The following CTCF variants were observed in gnomAD, a reference collection of about 807,000 sequenced individuals.
The protein encoded by CTCF is CCCTC-binding factor, also known as transcriptional repressor CTCF.
CTCF carries 7 observed loss-of-function variants against 72.3 expected under a neutral mutation model. That is an observed-to-expected ratio of 0.10 (90% confidence interval 0.06 to 0.18). CTCF has a LOEUF of 0.18. Ranked by LOEUF, CTCF falls within the 10% of genes least tolerant of loss-of-function variation. CTCF has a pLI of 1.00. For missense variants in CTCF, 516 were observed against 949.1 expected (o/e 0.54, Z 6.00); for synonymous variants, 374 against 315.8 (o/e 1.18, Z -1.95).
At position 67,582,674 on chromosome 16, in the gene CTCF, CAG is replaced by C. The variant is rs531122495; in HGVS notation, c.-10+11413_-10+11414del. On this transcript the variant is annotated intron_variant, in intron 2 of 11. Transcript: ENST00000264010. ...CGCCACTGCACTCCATCCTGGGCAACAGAGTGAGACTCTGTGTCAAAAAAATA... is the reference window on the plus strand; with the variant it reads ...CGCCACTGCACTCCATCCTGGGCAACAGTGAGACTCTGTGTCAAAAAAATA... Among the ~76,000 whole-genome samples, 444 of 152,246 alleles carry C rather than the reference CAG, an allele frequency of 2.9e-3. 7 individuals are homozygous for C. Among genetic ancestry groups the C allele is most frequent in the Admixed American group, 0.027 (405 of 15,268 alleles).
In CTCF at chr16:67,610,354, T is replaced by TTC. The variant is rs1555534010; in HGVS notation, c.-9-469_-9-468insCT. Among the ~76,000 whole-genome samples, 3 of 146,240 alleles carry TTC rather than the reference T, an allele frequency of 2.1e-5. No individual in the cohort carries two copies. The South Asian group carries it at 6.5e-4, about 32-fold the overall frequency. The stretch of plus-strand genomic sequence containing the variant: ...AGGTAGTGGTTTTTTCTTTTTCTTT[T>TTC]TTTTTTTTTTTTTTTTGAGATGGAG... On this transcript the variant is annotated intron_variant, in intron 2 of 11. Coordinates refer to ENST00000264010, the MANE Select transcript of CTCF (RefSeq NM_006565.4).
intron 2 of CTCF, among the ~76,000 whole-genome samples, chr16:67,589,489 TCCTTTC>T (rs925838098): frequency 2.6e-5 from 4 of 152,126 alleles, no homozygotes; most frequent in African/African-American, 9.7e-5. Context: ...CTGTAGCAAT[TCCTTTC>T]CTTAAAGCCC....
intron 11 of CTCF, among the ~76,000 whole-genome samples, chr16:67,637,335 C>T (rs182957614): frequency 6.6e-6 from 1 of 152,148 alleles, no homozygotes; most frequent in Non-Finnish European, 1.5e-5. Context: ...AGTTCCATAC[C>T]AGCCTGGTCA....
At chr16:67,607,903 C>G (rs1170715582) in intron 2 of CTCF, among the ~76,000 whole-genome samples, 3 of 150,938 alleles carry the variant, frequency 2.0e-5, no homozygotes, top group African/African-American at 7.3e-5. Context: ...CCTGTAATCC[C>G]AACTACTCCG....
intron 2 of CTCF, among the ~76,000 whole-genome samples, chr16:67,597,198 C>G (rs1202655373): frequency 6.6e-6 from 1 of 152,072 alleles, no homozygotes; most frequent in Non-Finnish European, 1.5e-5. Flanking sequence ...CCATGCCCAG[C>G]TGACTTTTTG....
rs71145978 is a variant in CTCF at position 67,629,746 on chromosome 16, CTTTTTTTTTTTTTTTTTTTTTT to C, written c.1837+238_1837+259del. On this transcript the variant is annotated intron_variant, in intron 10 of 11. Coordinates refer to ENST00000264010, the MANE Select transcript of CTCF (RefSeq NM_006565.4). The stretch of plus-strand genomic sequence containing the variant: ...TCGTGGCATTCCGCTCATTAATGCC[CTTTTTTTTTTTTTTTTTTTTTT>C]TTTTTTTTTTTTTTTTTTTTTTTTG... 0.019 allele frequency among the ~76,000 whole-genome samples: 1,189 copies of C among 63,328 alleles called. 57 individuals carry two copies. The highest frequency in any genetic ancestry group is 0.03 in the South Asian group (52 of 1,728). The allele number at this position is 63,328 out of a possible 152,430, so 41.5% of individuals were successfully genotyped here. A position where few individuals can be genotyped will look rare whatever the true frequency, so the allele number is the denominator to read the frequency against.
At chr16:67,619,934 G>A (rs987537534) in intron 5 of CTCF, among the ~76,000 whole-genome samples, 2 of 152,140 alleles carry the variant, frequency 1.3e-5, no homozygotes, top group Middle Eastern at 6.8e-3. Context: ...TTAGTATAAG[G>A]TATCCTGCAG....
intron 10 of CTCF, among the ~76,000 whole-genome samples, chr16:67,634,500 GC>G (rs1232450177): frequency 2.8e-5 from 4 of 144,910 alleles, no homozygotes; most frequent in Non-Finnish European, 6.0e-5. Context: ...GAGCCACCAT[GC>G]CCAGCCTAAA....
At position 67,577,144 on chromosome 16, in the gene CTCF, C is replaced by T. The variant is rs149785788; in HGVS notation, c.-10+5880C>T. On this transcript the variant is annotated intron_variant, in intron 2 of 11. Transcript: ENST00000264010. ...GATAAAGGTAATGAAATGGGCCGGG[C>T]GTGGTGGCTCACACCTGTAATCCCA... Among the ~76,000 whole-genome samples the T allele has an allele frequency of 4.2e-3, 641 of 151,862 alleles. 3 individuals are homozygous for T. The highest frequency in any genetic ancestry group is 0.015 in the African/African-American group (625 of 41,464).
chr16:67,631,715 G>C (rs1390630087), intron 10 of CTCF, among the ~76,000 whole-genome samples: 1 of 115,768 alleles, frequency 8.6e-6, no homozygotes, highest in Non-Finnish European at 1.6e-5. Context: ...TTTTTTAAAT[G>C]GAGTATCCGT....
chr16:67,579,611 G>A (rs1310886171), intron 2 of CTCF, among the ~76,000 whole-genome samples: 2 of 151,952 alleles, frequency 1.3e-5, no homozygotes, highest in South Asian at 2.1e-4. Context: ...CACCTGCCTC[G>A]GCCTCCCAAT....
chr16:67,617,145 T>G (rs1046209747), intron 5 of CTCF, among the ~76,000 whole-genome samples: 1 of 151,746 alleles, frequency 6.6e-6, no homozygotes, highest in Non-Finnish European at 1.5e-5. Context: ...GCGGATCACC[T>G]GAGGTCGGGA....
chr16:67,581,075 C>T (rs1349302798), intron 2 of CTCF, among the ~76,000 whole-genome samples: 1 of 151,794 alleles, frequency 6.6e-6, no homozygotes, highest in Non-Finnish European at 1.5e-5. Context: ...ACTACAGGCA[C>T]CCGCCACCGC....
chr16:67,564,704 GTTAAAAA>G (rs1297678842), intron 1 of CTCF, among the ~76,000 whole-genome samples: 3 of 152,160 alleles, frequency 2.0e-5, no homozygotes, highest in Non-Finnish European at 4.4e-5. Context: ...TCAACATTGA[GTTAAAAA>G]TTAAAATACA....
At chr16:67,607,432 A>G (rs1046532171) in intron 2 of CTCF, among the ~76,000 whole-genome samples, 10 of 151,904 alleles carry the variant, frequency 6.6e-5, no homozygotes, top group African/African-American at 2.4e-4. Context: ...CAGCCTCCCA[A>G]GTAGCTGGGA....
chr16:67,622,784 T>C (rs868021800), intron 7 of CTCF, among the ~76,000 whole-genome samples: 79 of 150,332 alleles, frequency 5.3e-4, no homozygotes, highest in African/African-American at 1.7e-3. Context: ...GCTGAGATTA[T>C]AGGCGCATAC....
At position 67,629,390 on chromosome 16, in the gene CTCF, T is replaced by C; in HGVS notation, c.1702-8T>C. On this transcript the variant is annotated splice_region_variant and splice_polypyrimidine_tract_variant and intron_variant, in intron 9 of 11. Transcript: ENST00000264010. Reference sequence around the variant, plus strand: ...TGGTGTGAAAGAGGATTTTGTTCTTTTTGTTAGAATACCATGGCAAGACAT... The same window carrying C: ...TGGTGTGAAAGAGGATTTTGTTCTTCTTGTTAGAATACCATGGCAAGACAT... 1.3e-6 allele frequency: 2 copies of C among 1,593,204 alleles called. No individual in the cohort carries two copies. Among genetic ancestry groups the C allele is most frequent in the Middle Eastern group, 1.7e-4 (1 of 5,956 alleles).
At chr16:67,613,211 A>G (rs1331963071) in intron 4 of CTCF, among the ~76,000 whole-genome samples, 1 of 152,198 alleles carries the variant, frequency 6.6e-6, no homozygotes, top group African/African-American at 2.4e-5. Context: ...GTTGGTTGCA[A>G]GTCTTCTCAC....
At chr16:67,632,180 TGG>T (rs1274669710) in intron 10 of CTCF, among the ~76,000 whole-genome samples, 3 of 152,142 alleles carry the variant, frequency 2.0e-5, no homozygotes, top group African/African-American at 7.2e-5. Flanking sequence ...ATCTTAACCT[TGG>T]GGATCCCTAT....
Sources: gnomAD v4.1 joint callset for allele counts (sites outside exome capture counted in the v4.1 genomes callset) on GRCh38, gnomAD v4.1.1 for gene constraint, MANE v1.5 for transcripts, NCBI Gene and HGNC (gene_info 2026-07-23, HGNC 2026-07-21) for gene names.